LOC400499: variants seen among roughly 807,000 people sequenced by gnomAD.
At chr16:11,464,330 C>G in the LOC400499 span, among the ~76,000 whole-genome samples, 49 of 152,374 alleles carry the variant, frequency 3.2e-4, no homozygotes, top group African/African-American at 1.1e-3. Flanking sequence ...CAGTCTGTAT[C>G]AGAGGCTGTG....
the LOC400499 span, chr16:11,516,174 G>A: frequency 2.5e-6 from 1 of 399,792 alleles, no homozygotes; most frequent in East Asian, 3.6e-5. Context: ...TGGGCCCCTG[G>A]GTGGCCCTGC....
At chr16:11,396,334 G>A in the LOC400499 span, 6 of 569,718 alleles carry the variant, frequency 1.1e-5, no homozygotes, top group South Asian at 9.5e-5. Context: ...TTCAGCAGGC[G>A]TTCCCCCGAC....
At chr16:11,448,585 G>C in the LOC400499 span, among the ~76,000 whole-genome samples, 2 of 152,048 alleles carry the variant, frequency 1.3e-5, no homozygotes, top group Non-Finnish European at 2.9e-5. Flanking sequence ...ATGCATGGTG[G>C]CATGAGTGGC....
At chr16:11,448,223 C>G in the LOC400499 span, 1 of 972,988 alleles carries the variant, frequency 1.0e-6, no homozygotes, top group Non-Finnish European at 1.5e-6. Context: ...TGAGCCACAG[C>G]CTCCACCCTG....
At chr16:11,526,613 T>C in the LOC400499 span, among the ~76,000 whole-genome samples, 1 of 152,264 alleles carries the variant, frequency 6.6e-6, no homozygotes, top group Non-Finnish European at 1.5e-5. Flanking sequence ...TTACATTTTC[T>C]AATTATATAT....
chr16:11,520,418 A>G, the LOC400499 span, among the ~76,000 whole-genome samples: 1 of 152,154 alleles, frequency 6.6e-6, no homozygotes, highest in East Asian at 1.9e-4. Flanking sequence ...GCACTTTGGG[A>G]GGCCGAGGTG....
the LOC400499 span, chr16:11,396,689 G>A: frequency 1.6e-6 from 2 of 1,231,972 alleles, no homozygotes; most frequent in South Asian, 4.1e-5. Flanking sequence ...GGACGAGAGA[G>A]TCTAGGTGTC....
the LOC400499 span, among the ~76,000 whole-genome samples, chr16:11,433,052 T>C: frequency 5.9e-5 from 9 of 152,242 alleles, no homozygotes; most frequent in Non-Finnish European, 1.3e-4. Flanking sequence ...CTTGTTTTTA[T>C]AAATAAAGTT....
At chr16:11,440,345 C>T in the LOC400499 span, among the ~76,000 whole-genome samples, 2 of 152,170 alleles carry the variant, frequency 1.3e-5, no homozygotes, top group African/African-American at 2.4e-5. Context: ...GATGAGAACC[C>T]AGGCAGGAAT....
chr16:11,389,611 G>A, the LOC400499 span, among the ~76,000 whole-genome samples: 40 of 133,164 alleles, frequency 3.0e-4, no homozygotes, highest in East Asian at 7.3e-3. Context: ...CTTGAACTCA[G>A]GAAGTGAAGG....
chr16:11,517,599 G>A, the LOC400499 span, among the ~76,000 whole-genome samples: 1 of 152,234 alleles, frequency 6.6e-6, no homozygotes, highest in Admixed American at 6.5e-5. Context: ...CGAACTGGAA[G>A]TGACTTGAGA....
the LOC400499 span, among the ~76,000 whole-genome samples, chr16:11,458,837 C>T: frequency 6.6e-6 from 1 of 151,970 alleles, no homozygotes; most frequent in Non-Finnish European, 1.5e-5. Flanking sequence ...GAGTTCAAGA[C>T]CAGCCTGGCC....
At chr16:11,437,062 C>G in the LOC400499 span, among the ~76,000 whole-genome samples, 1 of 152,188 alleles carries the variant, frequency 6.6e-6, no homozygotes, top group Non-Finnish European at 1.5e-5. Context: ...AGAAGCCCAT[C>G]TGAAAAGGCT....
At chr16:11,407,034 GCAATAAATCCAGCT>G in the LOC400499 span, among the ~76,000 whole-genome samples, 28,082 of 152,120 alleles carry the variant, frequency 0.18, 3,216 homozygotes, top group Non-Finnish European at 0.26. Flanking sequence ...CATAAATCAT[GCAATAAATCCAGCT>G]CAATAAATCC....
chr16:11,444,543 G>A, the LOC400499 span, among the ~76,000 whole-genome samples: 1 of 152,206 alleles, frequency 6.6e-6, no homozygotes, highest in Non-Finnish European at 1.5e-5. Context: ...TGTAACGGTA[G>A]TTATGAGTGA....
chr16:11,408,580 C>T, the LOC400499 span, among the ~76,000 whole-genome samples: 1 of 151,466 alleles, frequency 6.6e-6, no homozygotes, highest in Admixed American at 6.6e-5. Flanking sequence ...TTCTTCCATA[C>T]CTCAGCCTCC....
At chr16:11,382,449 C>T in the LOC400499 span, among the ~76,000 whole-genome samples, 1 of 152,164 alleles carries the variant, frequency 6.6e-6, no homozygotes, top group African/African-American at 2.4e-5. Flanking sequence ...ATACGCAGCA[C>T]TGGATGACGG....
chr16:11,459,919 C>T, the LOC400499 span: 53 of 1,470,596 alleles, frequency 3.6e-5, no homozygotes, highest in South Asian at 1.1e-4. Context: ...TTGCTCAGGG[C>T]GGGCCCCGAG....
At chr16:11,459,131 T>C in the LOC400499 span, among the ~76,000 whole-genome samples, 1 of 149,828 alleles carries the variant, frequency 6.7e-6, no homozygotes, top group Non-Finnish European at 1.5e-5. Context: ...TAAAAGTTAA[T>C]ATTTAAAAGA....
Sources: allele counts gnomAD v4.1 joint callset (sites outside exome capture counted in the v4.1 genomes callset), GRCh38; gene constraint gnomAD v4.1.1; transcripts MANE v1.5.